MAP4K3: variants seen among roughly 807,000 people sequenced by gnomAD.
The protein encoded by MAP4K3 is mitogen-activated protein kinase kinase kinase kinase 3, also known as MAPK/ERK kinase kinase kinase 3.
In MAP4K3, 94 loss-of-function variants were observed where a neutral mutation model predicts 143.5. That is an observed-to-expected ratio of 0.65 (90% CI 0.55 to 0.78). The LOEUF is 0.78. MAP4K3 is among the 30% of genes least tolerant of loss of function. The pLI is 0.00. For missense variants in MAP4K3, 1,077 were observed against 1,068.1 expected, an observed-to-expected ratio of 1.01 and a Z score of -0.12; for synonymous variants, 416 against 347.2, an observed-to-expected ratio of 1.20 and a Z score of -2.20.
At chr2:39,318,316 A>G (rs550973677) in intron 12 of MAP4K3, among the ~76,000 whole-genome samples, 1 of 152,268 alleles carries the variant, frequency 6.6e-6, no homozygotes, top group Admixed American at 6.5e-5. Flanking sequence ...TGACAAAAGA[A>G]TATGTACATG....
In MAP4K3 at chr2:39,252,007, T is replaced by C. The variant is rs1205441016; in HGVS notation, c.2542-122A>G. 1.3e-5 allele frequency: 9 copies of C among 688,164 alleles called. No individual in the cohort carries two copies. The Admixed American group carries it at 2.1e-4, about 16-fold the overall frequency. The allele number at this position is 688,164 out of a possible 1,614,324, so 42.6% of individuals were successfully genotyped here. A position where few individuals can be genotyped will look rare whatever the true frequency, so the allele number is the denominator to read the frequency against. On this transcript the variant is annotated intron_variant, in intron 32 of 33. Coordinates refer to ENST00000263881, the MANE Select transcript of MAP4K3 (RefSeq NM_003618.4). ...CTAAAAATGAAAACATATTCCTGCA[T>C]GACTGTTTGTTAAAGTCAGCATGTA... is the stretch of plus-strand genomic sequence containing the variant.
At chr2:39,333,608 AATAG>A (rs1482278459) in intron 6 of MAP4K3, 34 bp from the exon 7 acceptor site, 6 of 1,289,556 alleles carry the variant, frequency 4.7e-6, no homozygotes, top group Admixed American at 1.7e-5. Context: ...TAGAGTAGGA[AATAG>A]ATATTTTATC....
intron 1 of MAP4K3, among the ~76,000 whole-genome samples, chr2:39,413,603 T>C (rs1049668817): frequency 6.6e-5 from 10 of 151,812 alleles, no homozygotes; most frequent in Non-Finnish European, 1.2e-4. Flanking sequence ...AGTAAAAAGG[T>C]AGAGGTGCAG....
intron 17 of MAP4K3, 145 bp downstream of exon 17, chr2:39,293,085 C>G (rs1682118667): frequency 1.4e-6 from 1 of 726,266 alleles, no homozygotes. Flanking sequence ...CCACTGCAAT[C>G]CAGCCTGGGC....
intron 12 of MAP4K3, among the ~76,000 whole-genome samples, chr2:39,316,403 A>C (rs1277679431): frequency 6.6e-6 from 1 of 152,162 alleles, no homozygotes; most frequent in Non-Finnish European, 1.5e-5. Flanking sequence ...AATGATTACA[A>C]GAAAGGCTAT....
intron 2 of MAP4K3, among the ~76,000 whole-genome samples, chr2:39,358,644 T>A (rs747318821): frequency 2.6e-5 from 4 of 151,970 alleles, no homozygotes; most frequent in African/African-American, 7.3e-5. Flanking sequence ...GGGAAAAAAA[T>A]TCAAAGAAAA....
At chr2:39,330,067 T>C (rs995270059) in intron 8 of MAP4K3, among the ~76,000 whole-genome samples, 1 of 152,060 alleles carries the variant, frequency 6.6e-6, no homozygotes, top group East Asian at 1.9e-4. Context: ...GTGAGTTCCA[T>C]AGAGAGCAGG....
At chr2:39,381,793 C>G (rs1666361659) in intron 1 of MAP4K3, among the ~76,000 whole-genome samples, 1 of 152,164 alleles carries the variant, frequency 6.6e-6, no homozygotes, top group Non-Finnish European at 1.5e-5. Context: ...AACTAAACAA[C>G]CTGCTATTCC....
intron 1 of MAP4K3, among the ~76,000 whole-genome samples, chr2:39,380,708 T>C (rs1228482909): frequency 5.9e-5 from 9 of 152,184 alleles, no homozygotes; most frequent in Admixed American, 5.9e-4. Context: ...GTTCTTGACT[T>C]ATAACTCTGC....
At chr2:39,413,354 C>T (rs1667281834) in intron 1 of MAP4K3, among the ~76,000 whole-genome samples, 1 of 152,112 alleles carries the variant, frequency 6.6e-6, no homozygotes, top group Non-Finnish European at 1.5e-5. Flanking sequence ...ACAGAACCAC[C>T]ATTCCCCTTA....
Position 39,391,297 on chromosome 2 carries a change from T to C in MAP4K3, c.97-13174A>G, listed in dbSNP as rs57919645. Among the ~76,000 whole-genome samples the C allele has an allele frequency of 4.7e-3, 603 of 129,152 alleles. 4 individuals are homozygous for C. Among genetic ancestry groups the C allele is most frequent in the African/African-American group, 0.017 (586 of 34,244 alleles). The allele number at this position is 129,152 out of a possible 152,430, so 84.7% of individuals were successfully genotyped here. On this transcript the variant is annotated intron_variant, in intron 1 of 33. Coordinates refer to ENST00000263881, the MANE Select transcript of MAP4K3 (RefSeq NM_003618.4). ...TGGCGTGAACCCAGGCGGCAGAGCT[T>C]GCAGTGAGCCGAGATTGTGCCACTG...
intron 3 of MAP4K3, among the ~76,000 whole-genome samples, chr2:39,353,960 C>A (rs528132140): frequency 1.8e-4 from 28 of 152,216 alleles, no homozygotes; most frequent in Middle Eastern, 3.4e-3. Context: ...AGTGATAGAA[C>A]CAGGTCTCAG....
At chr2:39,383,124 A>G (rs1281745482) in intron 1 of MAP4K3, among the ~76,000 whole-genome samples, 1 of 152,138 alleles carries the variant, frequency 6.6e-6, no homozygotes, top group East Asian at 1.9e-4. Context: ...CGCTTTCCCA[A>G]AGTTGATTAG....
At chr2:39,343,568 TATCTTTAAAA>T (rs1665202039) in intron 3 of MAP4K3, 116 bp from the exon 4 acceptor site, 8 of 707,196 alleles carry the variant, frequency 1.1e-5, no homozygotes, top group Admixed American at 2.6e-5. Flanking sequence ...TGCAATGTGT[TATCTTTAAAA>T]TAACTAATTA....
chr2:39,318,389 T>G (rs993511775), intron 12 of MAP4K3, among the ~76,000 whole-genome samples: 1 of 151,934 alleles, frequency 6.6e-6, no homozygotes, highest in Non-Finnish European at 1.5e-5. Context: ...GAAACTAAAA[T>G]AAAAGTTAAG....
intron 1 of MAP4K3, among the ~76,000 whole-genome samples, chr2:39,434,830 T>A (rs1334982350): frequency 6.6e-6 from 1 of 152,232 alleles, no homozygotes; most frequent in Admixed American, 6.5e-5. Context: ...TTATAGTGCC[T>A]GGCAAGTAAC....
chr2:39,383,600 G>A (rs1033133634), intron 1 of MAP4K3, among the ~76,000 whole-genome samples: 2 of 151,958 alleles, frequency 1.3e-5, no homozygotes, highest in Admixed American at 1.3e-4. Flanking sequence ...TCCTGGTTAT[G>A]CCTATTGTAC....
chr2:39,371,615 G>T (rs776479306), intron 2 of MAP4K3, among the ~76,000 whole-genome samples: 19 of 152,022 alleles, frequency 1.2e-4, no homozygotes, highest in Non-Finnish European at 2.6e-4. Context: ...AGAAAATAAG[G>T]CCCAATGATC....
In MAP4K3 at chr2:39,361,487, T is replaced by G. The variant is rs989124307; in HGVS notation, c.155-5148A>C. Among the ~76,000 whole-genome samples, 2 of 151,680 alleles carry G rather than the reference T, an allele frequency of 1.3e-5. 1 individual carries two copies. Among genetic ancestry groups the G allele is most frequent in the East Asian group, 3.9e-4 (2 of 5,190 alleles). The stretch of plus-strand genomic sequence containing the variant: ...GGTATAAACAGTAGAAATACAAAAT[T>G]TTCATTATTTACTATATATGACTGT... On this transcript the variant is annotated intron_variant, in intron 2 of 33. Coordinates refer to ENST00000263881, the MANE Select transcript of MAP4K3 (RefSeq NM_003618.4).
Sources: gnomAD v4.1 joint callset for allele counts (sites outside exome capture counted in the v4.1 genomes callset) on GRCh38, gnomAD v4.1.1 for gene constraint, MANE v1.5 for transcripts, NCBI Gene and HGNC (gene_info 2026-07-23, HGNC 2026-07-21) for gene names.